ZNF592: variants seen among roughly 807,000 people sequenced by gnomAD.
ZNF592 encodes the protein zinc finger protein 592.
Under a neutral mutation model 80.3 loss-of-function variants are expected in ZNF592, and 11 were observed. The observed-to-expected ratio is 0.14, with a 90% CI of 0.09 to 0.23. The LOEUF (loss-of-function observed/expected upper bound fraction) is 0.23, where lower values mean the gene tolerates loss of function less well. Ranked by LOEUF, ZNF592 falls within the 10% of genes least tolerant of loss-of-function variation. The pLI is 1.00. For missense variants in ZNF592, 1,420 were observed against 1,633.9 expected (o/e 0.87, Z 2.26); for synonymous variants, 646 against 640.3 (o/e 1.01, Z -0.13).
chr15:84,779,672 T>G (rs1358579050), intron 3 of ZNF592, among the ~76,000 whole-genome samples: 1 of 152,086 alleles, frequency 6.6e-6, no homozygotes, highest in African/African-American at 2.4e-5. Context: ...ATAAAAGTTT[T>G]TTTTTCTGCT....
At chr15:84,752,729 C>T (rs537764201) in intron 1 of ZNF592, among the ~76,000 whole-genome samples, 35 of 152,212 alleles carry the variant, frequency 2.3e-4, no homozygotes, top group Admixed American at 2.0e-3. Flanking sequence ...TAGATGTTAT[C>T]GTGGGGCAGC....
chr15:84,767,685 C>A (rs1007331153), intron 2 of ZNF592, among the ~76,000 whole-genome samples: 1 of 151,890 alleles, frequency 6.6e-6, no homozygotes, highest in East Asian at 1.9e-4. Context: ...CTGCTTGTCC[C>A]AGTCAGTTTT....
At position 84,801,953 on chromosome 15, in the gene ZNF592, T is replaced by C; in HGVS notation, c.3364T>C (p.Ser1122Pro). 1 of 1,613,892 alleles carries C rather than the reference T, an allele frequency of 6.2e-7. No individual in the cohort carries two copies. Among genetic ancestry groups the C allele is most frequent in the Non-Finnish European group, 8.5e-7 (1 of 1,179,834 alleles). ...TGTCTCTTCCACCAAAAGGCACAAGTCCCTTTTTCAGTGCGCGAAATGTAG... is the reference window on the plus strand; with the variant it reads ...TGTCTCTTCCACCAAAAGGCACAAGCCCCTTTTTCAGTGCGCGAAATGTAG... ...ATVSSTKRHK[S>P]LFQCAKCSFA... The change falls in exon 11 of 11, where the codon TCC becomes CCC. Residue 1122 changes from serine to proline, a missense_variant. Around this residue, in one of 7 missense-constraint regions of ZNF592, gnomAD observed 145 missense variants for 211.9 expected, o/e 0.68. Transcript: ENST00000560079.
intron 1 of ZNF592, among the ~76,000 whole-genome samples, chr15:84,762,753 C>G (rs769651583): frequency 1.2e-4 from 18 of 152,164 alleles, no homozygotes; most frequent in Non-Finnish European, 2.6e-4. Flanking sequence ...CAGGAATCTT[C>G]CACAGTAATA....
intron 1 of ZNF592, among the ~76,000 whole-genome samples, chr15:84,751,633 G>A (rs1899016742): frequency 1.3e-5 from 2 of 150,930 alleles, no homozygotes; most frequent in South Asian, 4.2e-4. Flanking sequence ...AGCTGGATGC[G>A]GTGGCTCATG....
At chr15:84,756,902 A>T (rs1899188719) in intron 1 of ZNF592, among the ~76,000 whole-genome samples, 1 of 151,988 alleles carries the variant, frequency 6.6e-6, no homozygotes, top group Admixed American at 6.6e-5. Flanking sequence ...ACTTGAGGTC[A>T]GGAGTTCGAG....
chr15:84,790,543 A>G, intron 4 of ZNF592, among the ~76,000 whole-genome samples, 162 bp from the exon 5 acceptor site: 1 of 152,152 alleles, frequency 6.6e-6, no homozygotes, highest in East Asian at 1.9e-4. Context: ...AGCACTGGAA[A>G]TGAGGTCTAG....
chr15:84,796,547 T>C (rs938507606), intron 5 of ZNF592, among the ~76,000 whole-genome samples: 21 of 151,870 alleles, frequency 1.4e-4, no homozygotes, highest in Non-Finnish European at 2.1e-4. Flanking sequence ...AGTAATCTTA[T>C]GGATGCAGGT....
Position 84,797,863 on chromosome 15 carries a change from G to T in ZNF592, c.2400-6G>T. ...CCCACACTCACACTACCCCACTTCTGTCTAGGTGCATCCACTGTGGTGTCG... is the reference window on the plus strand; with the variant it reads ...CCCACACTCACACTACCCCACTTCTTTCTAGGTGCATCCACTGTGGTGTCG... On this transcript the variant is annotated splice_region_variant and splice_polypyrimidine_tract_variant and intron_variant, in intron 5 of 10. Transcript: ENST00000560079. 6.2e-7 allele frequency: 1 copy of T among 1,614,208 alleles called. No homozygotes were observed. Among genetic ancestry groups the T allele is most frequent in the Non-Finnish European group, 8.5e-7 (1 of 1,180,036 alleles).
chr15:84,792,664 C>T (rs771217840), intron 5 of ZNF592, among the ~76,000 whole-genome samples: 1 of 152,178 alleles, frequency 6.6e-6, no homozygotes, highest in South Asian at 2.1e-4. Context: ...GTTGCCCAGG[C>T]TGGTCACATA....
chr15:84,765,670 C>T (rs1899494183), intron 2 of ZNF592, among the ~76,000 whole-genome samples: 1 of 150,042 alleles, frequency 6.7e-6, no homozygotes, highest in South Asian at 2.1e-4. Flanking sequence ...TCCTGAGTAG[C>T]TGGGACTACA....
At chr15:84,777,216 C>T (rs1962280318) in intron 2 of ZNF592, among the ~76,000 whole-genome samples, 1 of 151,704 alleles carries the variant, frequency 6.6e-6, no homozygotes, top group Admixed American at 6.6e-5. Flanking sequence ...GTTGCTCACG[C>T]CTGTAATCCC....
At chr15:84,795,662 G>A (rs1401780471) in intron 5 of ZNF592, among the ~76,000 whole-genome samples, 3 of 152,306 alleles carry the variant, frequency 2.0e-5, no homozygotes, top group East Asian at 3.9e-4. Flanking sequence ...ATAATACTTT[G>A]TAGTGTGGAA....
chr15:84,765,912 T>TA, intron 2 of ZNF592, among the ~76,000 whole-genome samples: 1 of 151,950 alleles, frequency 6.6e-6, no homozygotes, highest in African/African-American at 2.4e-5. Flanking sequence ...AAGGGGTGGG[T>TA]CCCTATTGTG....
chr15:84,800,419 C>A (rs1019796717), intron 10 of ZNF592, among the ~76,000 whole-genome samples: 5 of 152,178 alleles, frequency 3.3e-5, no homozygotes, highest in Non-Finnish European at 7.3e-5. Context: ...ATCCTGGCCC[C>A]TTGCCCTATG....
At chr15:84,801,766 G>C in intron 10 of ZNF592, 97 bp from the exon 11 acceptor site, 1 of 1,586,978 alleles carries the variant, frequency 6.3e-7, no homozygotes, top group South Asian at 1.1e-5. Context: ...CCCTGGCCTG[G>C]GTGGTGCTTT....
At position 84,759,966 on chromosome 15, in the gene ZNF592, C is replaced by A. The variant is rs112085100; in HGVS notation, c.-258-4741C>A. 4.8e-3 allele frequency among the ~76,000 whole-genome samples: 347 copies of A among 71,840 alleles called. 9 individuals carry two copies. Among genetic ancestry groups the A allele is most frequent in the Middle Eastern group, 9.8e-3 (2 of 204 alleles). The allele number at this position is 71,840 out of a possible 152,430, so 47.1% of individuals were successfully genotyped here. On this transcript the variant is annotated intron_variant, in intron 1 of 10. Transcript: ENST00000560079. ...GGATTGGGGAGATTCCCCCCCCCCC[C>A]ACCCTGCCATTTAAAAAGTAATATG...
chr15:84,758,874 C>T (rs927595333), intron 1 of ZNF592, among the ~76,000 whole-genome samples: 1 of 151,960 alleles, frequency 6.6e-6, no homozygotes. Flanking sequence ...TGTAGTGAGC[C>T]GTGATTATGC....
At chr15:84,793,107 C>T (rs1298296476) in intron 5 of ZNF592, among the ~76,000 whole-genome samples, 2 of 151,486 alleles carry the variant, frequency 1.3e-5, no homozygotes, top group African/African-American at 2.4e-5. Context: ...GATGGAGTCT[C>T]GCTGTGTCAC....
Sources: gnomAD v4.1 joint callset for allele counts (sites outside exome capture counted in the v4.1 genomes callset) on GRCh38, gnomAD v4.1.1 for gene constraint, gnomAD v4.1.1 regional missense constraint, MANE v1.5 for transcripts, NCBI Gene and HGNC (gene_info 2026-07-23, HGNC 2026-07-21) for gene names.